The following CTSH variants were observed in gnomAD, a reference collection of about 807,000 sequenced individuals.
CTSH encodes the protein cathepsin H.
CTSH carries 52 observed loss-of-function variants against 56.3 expected under a neutral mutation model. The observed-to-expected ratio is 0.92, with a 90% CI of 0.74 to 1.16. The LOEUF is 1.16. Ranked by LOEUF, CTSH falls within the 50% of genes most tolerant of loss-of-function variation. CTSH has a pLI of 0.00. For synonymous variants in CTSH, 174 were observed against 155.7 expected (o/e 1.12, Z -0.88); for missense variants, 406 against 424.5 (o/e 0.96, Z 0.38).
intron 9 of CTSH, chr15:78,925,771 CAG>C (rs1366352452): frequency 1.2e-5 from 3 of 255,250 alleles, no homozygotes; most frequent in African/African-American, 6.6e-5. Context: ...CCCATAAACC[CAG>C]AGTCTACAAA....
intron 4 of CTSH, 104 bp from the exon 5 acceptor site, chr15:78,935,186 T>G: frequency 1.3e-6 from 1 of 764,618 alleles, no homozygotes; most frequent in Non-Finnish European, 2.2e-6. Flanking sequence ...CAAGAGAGAA[T>G]AAGAAAGGCT....
chr15:78,941,255 TC>T (rs2055281524), intron 1 of CTSH, among the ~76,000 whole-genome samples: 1 of 145,936 alleles, frequency 6.9e-6, no homozygotes, highest in African/African-American at 2.5e-5. Flanking sequence ...TGAAACCTCA[TC>T]TCTACTAAAA....
intron 5 of CTSH, among the ~76,000 whole-genome samples, chr15:78,933,340 C>A (rs1298106652): frequency 6.6e-6 from 1 of 152,242 alleles, no homozygotes; most frequent in Non-Finnish European, 1.5e-5. Flanking sequence ...AGGGTTAAGT[C>A]AGATTCTGCT....
chr15:78,942,466 G>A (rs2055316521), intron 1 of CTSH, among the ~76,000 whole-genome samples: 2 of 152,128 alleles, frequency 1.3e-5, no homozygotes, highest in East Asian at 1.9e-4. Flanking sequence ...ACCCACCTTG[G>A]CCTACCAAAG....
rs200086104 is a variant in CTSH at position 78,922,098 on chromosome 15, T to C, written c.*32A>G. On this transcript the variant is annotated 3_prime_UTR_variant, in exon 12 of 12. Coordinates refer to ENST00000220166, the MANE Select transcript of CTSH (RefSeq NM_004390.5). ...GGCCCAGGCTGCCCGTTCCTCTCCT[T>C]CTCCGCCAGTCTGCGCTGCGGCTGC... is the stretch of plus-strand genomic sequence containing the variant. 1.7e-5 allele frequency: 26 copies of C among 1,547,626 alleles called. No individual in the cohort carries two copies. The highest frequency in any genetic ancestry group is 7.3e-5 in the East Asian group (3 of 41,132).
chr15:78,935,846 C>T (rs577749902), intron 3 of CTSH, 96 bp from the exon 4 acceptor site: 7 of 854,310 alleles, frequency 8.2e-6, no homozygotes, highest in Admixed American at 6.6e-5. Flanking sequence ...TTACCTGTGT[C>T]GTATTTAGAA....
chr15:78,934,984 T>G lies in CTSH; in HGVS notation c.399A>C (p.Lys133Asn). The change falls in exon 5 of 12, where the codon AAA (lysine) becomes AAC (asparagine). Residue 133 changes from lysine (K) to asparagine (N), a missense_variant. Physicochemically the swap from Lys to Asn is moderately conservative, Grantham distance 94. Coordinates refer to ENST00000220166, the MANE Select transcript of CTSH (RefSeq NM_004390.5). ...RKKGNFVSPV[K>N]NQGACGSCWT... ...TGGAGATTGCCAGGCATACCTGATT[T>G]TTCACAGGTGAGACAAAATTTCCTT... The G allele has an allele frequency of 1.2e-6, 2 of 1,610,982 alleles. No individual in the cohort carries two copies. The highest frequency in any genetic ancestry group is 1.7e-6 in the Non-Finnish European group (2 of 1,177,106).
intron 5 of CTSH, chr15:78,933,725 A>G (rs2055115041): frequency 3.4e-6 from 1 of 290,296 alleles, no homozygotes; most frequent in Non-Finnish European, 7.1e-6. Context: ...TTTGTCACTT[A>G]CTTACCTTGG....
intron 1 of CTSH, 33 bp downstream of exon 1, chr15:78,944,858 A>G (rs1256324646): frequency 7.1e-6 from 11 of 1,541,012 alleles, no homozygotes; most frequent in African/African-American, 1.4e-5. Flanking sequence ...AGGGCCTGCT[A>G]GCACCCTCTC....
intron 6 of CTSH, 146 bp from the exon 7 acceptor site, chr15:78,931,652 AG>A (rs1209811947): frequency 6.6e-7 from 1 of 1,517,748 alleles, no homozygotes; most frequent in Non-Finnish European, 8.8e-7. Flanking sequence ...CCCCAAGGGC[AG>A]GGACAGTTGC....
intron 1 of CTSH, among the ~76,000 whole-genome samples, chr15:78,941,842 T>A (rs1197393883): frequency 6.6e-6 from 1 of 152,086 alleles, no homozygotes; most frequent in Admixed American, 6.5e-5. Flanking sequence ...TCATAATTAT[T>A]ATTAGTGTCC....
chr15:78,935,075 G>A lies in CTSH; in HGVS notation c.308C>T (p.Ser103Leu), dbSNP rs145029663. The A allele has an allele frequency of 5.0e-6, 8 of 1,610,090 alleles. No individual in the cohort carries two copies. The highest frequency in any genetic ancestry group is 2.2e-5 in the East Asian group (1 of 44,874). ...KYLWSEPQNCSATKSNYLRGT... is the reference protein window; with the variant it reads ...KYLWSEPQNCLATKSNYLRGT... ...TCGAAGGTAGTTACTTTTGGTGGCTGAGCAATTCTGGAACAACCAAACACA... is the reference window on the plus strand; with the variant it reads ...TCGAAGGTAGTTACTTTTGGTGGCTAAGCAATTCTGGAACAACCAAACACA... Residue 103 changes from serine to leucine, a missense_variant, in exon 5 of 12, where the codon TCA becomes TTA. Physicochemically the swap from Ser to Leu is moderately radical, Grantham distance 145. Coordinates refer to ENST00000220166, the MANE Select transcript of CTSH (RefSeq NM_004390.5).
In CTSH at chr15:78,922,033, G is replaced by T; in HGVS notation, c.*97C>A. On this transcript the variant is annotated 3_prime_UTR_variant, in exon 12 of 12. Coordinates refer to ENST00000220166, the MANE Select transcript of CTSH (RefSeq NM_004390.5). Reference sequence around the variant, plus strand: ...GGGCAGAATGTTGGGGGTCCCAGTGGATCTCCCCACAACTTCCTCCAGGGC... The same window carrying T: ...GGGCAGAATGTTGGGGGTCCCAGTGTATCTCCCCACAACTTCCTCCAGGGC... 1 of 1,150,552 alleles carries T rather than the reference G, an allele frequency of 8.7e-7. No homozygotes were observed. Among genetic ancestry groups the T allele is most frequent in the Non-Finnish European group, 1.3e-6 (1 of 793,650 alleles). The allele number at this position is 1,150,552 out of a possible 1,614,324, so 71.3% of individuals were successfully genotyped here.
chr15:78,934,336 A>G (rs1488527175), intron 5 of CTSH, among the ~76,000 whole-genome samples: 3 of 152,230 alleles, frequency 2.0e-5, no homozygotes, highest in Non-Finnish European at 4.4e-5. Flanking sequence ...CCTTCTGAAG[A>G]AGGCCACGGC....
At position 78,932,403 on chromosome 15, in the gene CTSH, A is replaced by G; in HGVS notation, c.461T>C (p.Ile154Thr). The change falls in exon 6 of 12, where the codon ATC becomes ACC. Residue 154 changes from isoleucine (I) to threonine (T), a missense_variant. Coordinates refer to ENST00000220166, the MANE Select transcript of CTSH (RefSeq NM_004390.5). ...CAGCATCTTTCCGGTTGCGATGGCG[A>G]TCGCAGACTCCAGGGCCCCAGTGGT... ...FSTTGALESA[I>T]AIATGKMLSL... is the part of the protein sequence containing the mutation. 4 of 1,614,138 alleles carry G rather than the reference A, an allele frequency of 2.5e-6. No individual in the cohort carries two copies. The highest frequency in any genetic ancestry group is 3.4e-6 in the Non-Finnish European group (4 of 1,179,980).
chr15:78,944,785 A>G (rs1390861066), intron 1 of CTSH, 106 bp downstream of exon 1: 1 of 1,394,104 alleles, frequency 7.2e-7, no homozygotes, highest in Admixed American at 2.8e-5. Context: ...CACCGGGGAA[A>G]GCTCTGCCCC....
intron 1 of CTSH, 99 bp downstream of exon 1, chr15:78,944,792 C>T (rs2055361715): frequency 2.8e-6 from 4 of 1,434,662 alleles, no homozygotes; most frequent in Non-Finnish European, 3.7e-6. Context: ...GAAAGCTCTG[C>T]CCCGTTCCTC....
intron 1 of CTSH, 95 bp downstream of exon 1, chr15:78,944,796 G>A (rs973854381): frequency 4.9e-6 from 7 of 1,438,430 alleles, no homozygotes; most frequent in Non-Finnish European, 6.5e-6. Context: ...GCTCTGCCCC[G>A]TTCCTCCGGA....
At chr15:78,944,078 C>T (rs1035004475) in intron 1 of CTSH, among the ~76,000 whole-genome samples, 2 of 152,238 alleles carry the variant, frequency 1.3e-5, no homozygotes, top group Non-Finnish European at 2.9e-5. Context: ...CACCCCCCCT[C>T]CCTAGGTTCT....
Sources: gnomAD v4.1 joint callset for allele counts (sites outside exome capture counted in the v4.1 genomes callset) on GRCh38, gnomAD v4.1.1 for gene constraint, MANE v1.5 for transcripts, NCBI Gene and HGNC (gene_info 2026-07-23, HGNC 2026-07-21) for gene names.